Variants in SLC25A21 observed in about 807,000 individuals in gnomAD.
The protein encoded by SLC25A21 is mitochondrial 2-oxodicarboxylate carrier.
SLC25A21 carries 47 observed loss-of-function variants against 43.8 expected under a neutral mutation model. The observed-to-expected ratio is 1.07, with a 90% CI of 0.85 to 1.37. The LOEUF is 1.37. SLC25A21 is among the 40% of genes most tolerant of loss of function. The pLI, the probability that SLC25A21 is intolerant of heterozygous loss-of-function variation, is 0.00. For synonymous variants in SLC25A21, 131 were observed against 121.3 expected (o/e 1.08, Z -0.52); for missense variants, 352 against 350.2 (o/e 1.00, Z -0.04).
chr14:36,678,364 G>T lies in SLC25A21; in HGVS notation c.*2294C>A, dbSNP rs746225893. 1 of 876,562 alleles carries T rather than the reference G, an allele frequency of 1.1e-6. No individual in the cohort carries two copies. Among genetic ancestry groups the T allele is most frequent in the South Asian group, 1.5e-5 (1 of 66,294 alleles). The allele number at this position is 876,562 out of a possible 1,614,324, so 54.3% of individuals were successfully genotyped here. ...TTATTTCTAAAGCAACCGAAATTCA[G>T]TGCTACAAATAGAGGATTATAACTT... On this transcript the variant is annotated 3_prime_UTR_variant, in exon 10 of 10. Transcript: ENST00000331299.
At chr14:37,100,752 A>T (rs1431376154) in intron 1 of SLC25A21, among the ~76,000 whole-genome samples, 1 of 152,238 alleles carries the variant, frequency 6.6e-6, no homozygotes, top group East Asian at 1.9e-4. Flanking sequence ...TAGTGGGTCA[A>T]GTGGGTGATT....
chr14:36,678,640 G>A lies in SLC25A21; in HGVS notation c.*2018C>T. The A allele has an allele frequency of 7.9e-7, 1 of 1,272,810 alleles. No homozygotes were observed. Among genetic ancestry groups the A allele is most frequent in the Non-Finnish European group, 9.9e-7 (1 of 1,009,144 alleles). 78.8% of individuals were successfully genotyped at this position (1,272,810 alleles called of 1,614,324 possible). Reference sequence around the variant, plus strand: ...ATTCTTTATCAAATGTTTTTAGGTGGCTGTTAGGGGGCTTTAAAAAATATT... The same window carrying A: ...ATTCTTTATCAAATGTTTTTAGGTGACTGTTAGGGGGCTTTAAAAAATATT... On this transcript the variant is annotated 3_prime_UTR_variant, in exon 10 of 10. Transcript: ENST00000331299.
At chr14:36,749,543 C>G (rs1002517161) in intron 3 of SLC25A21, among the ~76,000 whole-genome samples, 1 of 152,152 alleles carries the variant, frequency 6.6e-6, no homozygotes, top group African/African-American at 2.4e-5. Context: ...CAATGCCTTC[C>G]TATCTCCCTC....
chr14:36,767,698 T>C (rs770399463), intron 3 of SLC25A21, among the ~76,000 whole-genome samples: 3 of 152,242 alleles, frequency 2.0e-5, no homozygotes, highest in Non-Finnish European at 2.9e-5. Context: ...CAATCCATTA[T>C]GCTAATACAT....
At chr14:36,821,947 A>G (rs1347345975) in intron 2 of SLC25A21, among the ~76,000 whole-genome samples, 2 of 152,222 alleles carry the variant, frequency 1.3e-5, no homozygotes, top group Admixed American at 1.3e-4. Context: ...GGTGTGGTTT[A>G]TAGTTCCAGA....
intron 2 of SLC25A21, among the ~76,000 whole-genome samples, chr14:36,836,355 T>C (rs1405274708): frequency 1.3e-5 from 2 of 152,222 alleles, no homozygotes; most frequent in Non-Finnish European, 2.9e-5. Flanking sequence ...AAATATAGTT[T>C]TCTTATGATA....
chr14:36,758,662 A>G (rs1261963902), intron 3 of SLC25A21, among the ~76,000 whole-genome samples: 3 of 151,998 alleles, frequency 2.0e-5, no homozygotes, highest in East Asian at 1.9e-4. Flanking sequence ...GTTAACCCCA[A>G]TGGGAGGAAG....
At chr14:36,731,356 A>G (rs1884818197) in intron 4 of SLC25A21, among the ~76,000 whole-genome samples, 1 of 152,160 alleles carries the variant, frequency 6.6e-6, no homozygotes, top group African/African-American at 2.4e-5. Context: ...GCAGTCCTAG[A>G]GCTGAATCCA....
At chr14:36,857,764 A>ACC (rs1411772568) in intron 2 of SLC25A21, among the ~76,000 whole-genome samples, 1 of 152,136 alleles carries the variant, frequency 6.6e-6, no homozygotes, top group Non-Finnish European at 1.5e-5. Flanking sequence ...TCCCTAGGAG[A>ACC]GGGGCATTGG....
intron 1 of SLC25A21, among the ~76,000 whole-genome samples, chr14:36,964,343 G>A (rs1400868685): frequency 6.6e-6 from 1 of 152,172 alleles, no homozygotes; most frequent in Non-Finnish European, 1.5e-5. Context: ...GATCCCTCAT[G>A]TATGTTAACA....
chr14:36,745,653 T>C (rs545009648), intron 3 of SLC25A21, among the ~76,000 whole-genome samples: 25 of 152,346 alleles, frequency 1.6e-4, no homozygotes, highest in African/African-American at 5.5e-4. Flanking sequence ...TTTTGAGAAG[T>C]ATCTGTTCAT....
At chr14:37,084,136 T>G (rs1457299155) in intron 1 of SLC25A21, among the ~76,000 whole-genome samples, 1 of 152,184 alleles carries the variant, frequency 6.6e-6, no homozygotes, top group Non-Finnish European at 1.5e-5. Flanking sequence ...TGGTCCCAGC[T>G]AAAAGGCACT....
intron 1 of SLC25A21, among the ~76,000 whole-genome samples, chr14:37,093,716 G>C (rs568683712): frequency 5.3e-5 from 8 of 152,052 alleles, no homozygotes; most frequent in Non-Finnish European, 1.0e-4. Flanking sequence ...AAAAAGTGGG[G>C]GGAGGATGAA....
chr14:36,839,945 T>C lies in SLC25A21; in HGVS notation c.120-25944A>G, dbSNP rs544871751. On this transcript the variant is annotated intron_variant, in intron 2 of 9. Transcript: ENST00000331299. ...GTATTATAATCTCATGGGACCACCA[T>C]TGTATAAGTGGTTAGTCTTTGACCA... Among the ~76,000 whole-genome samples the C allele has an allele frequency of 3.3e-5, 5 of 152,284 alleles. No homozygotes were observed. The East Asian group carries it at 5.8e-4, about 18-fold the overall frequency.
chr14:37,029,281 T>C (rs1011286612), intron 1 of SLC25A21, among the ~76,000 whole-genome samples: 33 of 152,180 alleles, frequency 2.2e-4, no homozygotes, highest in African/African-American at 7.7e-4. Flanking sequence ...TCAAAAATGA[T>C]AGAGCACATG....
At chr14:36,943,079 C>T (rs1036505423) in intron 1 of SLC25A21, among the ~76,000 whole-genome samples, 4 of 152,196 alleles carry the variant, frequency 2.6e-5, no homozygotes, top group African/African-American at 9.7e-5. Context: ...GAGAGAGTCA[C>T]ACATCAGTCA....
At chr14:36,836,102 A>G (rs1889199511) in intron 2 of SLC25A21, among the ~76,000 whole-genome samples, 1 of 152,230 alleles carries the variant, frequency 6.6e-6, no homozygotes, top group South Asian at 2.1e-4. Context: ...ATAATTTAAC[A>G]GGTATGAAGA....
chr14:37,020,847 AC>A (rs1960970061), intron 1 of SLC25A21, among the ~76,000 whole-genome samples: 1 of 152,016 alleles, frequency 6.6e-6, no homozygotes, highest in Admixed American at 6.6e-5. Flanking sequence ...AGGATATAAA[AC>A]AAATTGGTCA....
chr14:36,960,190 T>A (rs1370053856), intron 1 of SLC25A21, among the ~76,000 whole-genome samples: 1 of 152,230 alleles, frequency 6.6e-6, no homozygotes, highest in Non-Finnish European at 1.5e-5. Flanking sequence ...CCAATTTATG[T>A]TGTTCCTATT....
Sources: allele counts gnomAD v4.1 joint callset (sites outside exome capture counted in the v4.1 genomes callset), GRCh38; gene constraint gnomAD v4.1.1; transcripts MANE v1.5; gene names NCBI Gene and HGNC (gene_info 2026-07-23, HGNC 2026-07-21).